Variants in PHB1 observed in about 807,000 individuals in gnomAD.
PHB1 encodes the protein prohibitin 1, also known as epididymis luminal protein 215.
the PHB1 span, chr17:49,404,163 G>C: frequency 6.5e-6 from 1 of 152,698 alleles, no homozygotes; most frequent in African/African-American, 2.4e-5. Context: ...GAGGGGGCCA[G>C]GAACGTAGGT....
chr17:49,404,893 TCA>T, the PHB1 span: 9 of 776,544 alleles, frequency 1.2e-5, no homozygotes, highest in African/African-American at 8.6e-5. Flanking sequence ...TCATGAAATT[TCA>T]CAGTGATTTC....
chr17:49,413,653 A>G, the PHB1 span, among the ~76,000 whole-genome samples: 1 of 151,780 alleles, frequency 6.6e-6, no homozygotes, highest in African/African-American at 2.4e-5. Flanking sequence ...GGACCACAGA[A>G]GTGTGCCACC....
At chr17:49,406,737 T>C in the PHB1 span, 2 of 1,564,400 alleles carry the variant, frequency 1.3e-6, no homozygotes, top group Non-Finnish European at 1.8e-6. Context: ...GAGAGGCTCC[T>C]GCCATCTGGT....
the PHB1 span, chr17:49,409,414 G>T: frequency 2.5e-6 from 4 of 1,613,756 alleles, no homozygotes; most frequent in African/African-American, 5.3e-5. Context: ...AAGATGCGAG[G>T]AAGCTGGCTG....
At chr17:49,413,434 T>C in the PHB1 span, 4 of 580,260 alleles carry the variant, frequency 6.9e-6, no homozygotes, top group South Asian at 7.7e-5. Context: ...GAAGGATACC[T>C]AATAAATAAT....
chr17:49,412,993 G>C, the PHB1 span: 1 of 559,744 alleles, frequency 1.8e-6, no homozygotes, highest in South Asian at 2.1e-5. Flanking sequence ...GAGAACCTAT[G>C]ACTGAAAGGT....
the PHB1 span, among the ~76,000 whole-genome samples, chr17:49,413,465 T>G: frequency 6.6e-6 from 1 of 151,512 alleles, no homozygotes; most frequent in Non-Finnish European, 1.5e-5. Flanking sequence ...TTGGAAAGTG[T>G]ACTATCAATT....
the PHB1 span, among the ~76,000 whole-genome samples, chr17:49,413,667 C>T: frequency 6.6e-6 from 1 of 151,970 alleles, no homozygotes; most frequent in Non-Finnish European, 1.5e-5. Context: ...TGCCACCATG[C>T]CCGGCTAATT....
At chr17:49,412,017 A>G in the PHB1 span, 1 of 584,362 alleles carries the variant, frequency 1.7e-6, no homozygotes, top group Non-Finnish European at 3.0e-6. Flanking sequence ...CTAAGCAGTC[A>G]CTTCCTGTTC....
the PHB1 span, chr17:49,414,125 T>C: frequency 6.6e-6 from 1 of 152,168 alleles, no homozygotes; most frequent in African/African-American, 2.4e-5. Flanking sequence ...TGAAGCATAT[T>C]ACTACAGAGG....
chr17:49,414,295 T>G, the PHB1 span: 50 of 152,024 alleles, frequency 3.3e-4, no homozygotes, highest in African/African-American at 1.1e-3. Flanking sequence ...ATGCTTCTTA[T>G]GGAAGCAGGA....
At chr17:49,408,310 T>A in the PHB1 span, among the ~76,000 whole-genome samples, 1 of 152,190 alleles carries the variant, frequency 6.6e-6, no homozygotes, top group African/African-American at 2.4e-5. Flanking sequence ...TCCCTAGCAA[T>A]GCACGGGAGA....
At chr17:49,405,532 A>T in the PHB1 span, among the ~76,000 whole-genome samples, 1 of 152,310 alleles carries the variant, frequency 6.6e-6, no homozygotes, top group Non-Finnish European at 1.5e-5. Context: ...AGCCAAGGCC[A>T]AGGAAAACAG....
chr17:49,412,948 T>A, the PHB1 span: 3 of 468,858 alleles, frequency 6.4e-6, no homozygotes, highest in Admixed American at 7.2e-5. Flanking sequence ...AACTAGGAAG[T>A]GGGCTGGGAA....
At chr17:49,407,836 C>G in the PHB1 span, among the ~76,000 whole-genome samples, 6,188 of 152,250 alleles carry the variant, frequency 0.041, 230 homozygotes, top group African/African-American at 0.097. Context: ...TCGCCTGATC[C>G]ATTTCTAGTT....
the PHB1 span, chr17:49,413,346 G>C: frequency 2.1e-6 from 2 of 965,540 alleles, no homozygotes; most frequent in Non-Finnish European, 3.2e-6. Context: ...CTCAGAGAAG[G>C]CCCTCTCTGA....
At chr17:49,409,553 T>TG in the PHB1 span, 14 of 936,040 alleles carry the variant, frequency 1.5e-5, no homozygotes, top group Non-Finnish European at 1.8e-5. Context: ...GTTTTTTTTT[T>TG]TTTTTGAGAC....
the PHB1 span, chr17:49,409,536 T>C: frequency 1.9e-6 from 2 of 1,076,292 alleles, no homozygotes; most frequent in Non-Finnish European, 2.6e-6. Context: ...ACAAGTGTTT[T>C]TTTTTTGTTT....
At chr17:49,413,869 G>A in the PHB1 span, among the ~76,000 whole-genome samples, 1 of 152,048 alleles carries the variant, frequency 6.6e-6, no homozygotes, top group East Asian at 1.9e-4. Flanking sequence ...GTTCAATAAT[G>A]AAAACAATGC....
Sources: allele counts gnomAD v4.1 joint callset (sites outside exome capture counted in the v4.1 genomes callset), GRCh38; gene constraint gnomAD v4.1.1; transcripts MANE v1.5; gene names NCBI Gene and HGNC (gene_info 2026-07-23, HGNC 2026-07-21).